GTF3C1: variants seen among roughly 807,000 people sequenced by gnomAD.
GTF3C1 encodes the protein general transcription factor 3C polypeptide 1.
A neutral mutation model predicts 226.7 loss-of-function variants in GTF3C1; 57 were observed. That is an observed-to-expected ratio of 0.25 (90% confidence interval 0.20 to 0.31). The LOEUF (loss-of-function observed/expected upper bound fraction) is 0.31, where lower values mean the gene tolerates loss of function less well. Among genes scored for constraint, GTF3C1 ranks in the 10% least tolerant of loss-of-function variants. The pLI is 1.00. For missense variants in GTF3C1, 2,217 were observed against 2,776.1 expected, an observed-to-expected ratio of 0.80 and a Z score of 4.53; for synonymous variants, 1,090 against 1,084.8, an observed-to-expected ratio of 1.00 and a Z score of -0.09.
chr16:27,511,345 G>A (rs1596644277), intron 7 of GTF3C1, among the ~76,000 whole-genome samples: 1 of 152,212 alleles, frequency 6.6e-6, no homozygotes, highest in African/African-American at 2.4e-5. Context: ...CTGCCCCCAC[G>A]GCTTCCCTAG....
intron 21 of GTF3C1, 53 bp downstream of exon 21, chr16:27,488,990 A>G (rs2088188287): frequency 6.4e-7 from 1 of 1,551,950 alleles, no homozygotes; most frequent in Non-Finnish European, 8.9e-7. Flanking sequence ...GAGGGACAGG[A>G]GGGTGAGTAG....
At position 27,506,071 on chromosome 16, in the gene GTF3C1, G is replaced by C; in HGVS notation, c.1598C>G (p.Pro533Arg). 1 of 1,613,862 alleles carries C rather than the reference G, an allele frequency of 6.2e-7. No homozygotes were observed. The highest frequency in any genetic ancestry group is 1.7e-5 in the Admixed American group (1 of 60,020). ...CTCTTCAGCAGCTCCTGGGAAGGAGGGCGGCTGCTTTTTCAATGGGTGTAG... is the reference window on the plus strand; with the variant it reads ...CTCTTCAGCAGCTCCTGGGAAGGAGCGCGGCTGCTTTTTCAATGGGTGTAG... ...VNLHPLKKQP[P>R]SFPGAAEERA... The change falls in exon 10 of 37, where the codon CCC becomes CGC. Residue 533 changes from proline (P) to arginine (R), a missense_variant. By Grantham distance (103) the Pro-to-Arg change is moderately radical. Around this residue, in one of 12 missense-constraint regions of GTF3C1, gnomAD observed 173 missense variants for 207.2 expected, o/e 0.83. Transcript: ENST00000356183.
chr16:27,541,478 A>T (rs1159553677), intron 2 of GTF3C1, among the ~76,000 whole-genome samples: 3 of 152,226 alleles, frequency 2.0e-5, no homozygotes, highest in Non-Finnish European at 2.9e-5. Context: ...TGAGAGACAT[A>T]GCGGTGAACA....
In GTF3C1 at chr16:27,510,130, A is replaced by T. The variant is rs529415394; in HGVS notation, c.1127-1475T>A. Among the ~76,000 whole-genome samples, 530 of 152,306 alleles carry T rather than the reference A, an allele frequency of 3.5e-3. 3 individuals are homozygous for T. Among genetic ancestry groups the T allele is most frequent in the Non-Finnish European group, 5.3e-3 (361 of 68,028 alleles). On this transcript the variant is annotated intron_variant, in intron 7 of 36. Coordinates refer to ENST00000356183, the MANE Select transcript of GTF3C1 (RefSeq NM_001520.4). Reference sequence around the variant, plus strand: ...TCCGGACGCTGTGGCTCACGCCTGTAATCCCAGCACTTTAGGAGGCCGAGG... The same window carrying T: ...TCCGGACGCTGTGGCTCACGCCTGTTATCCCAGCACTTTAGGAGGCCGAGG...
intron 27 of GTF3C1, 143 bp downstream of exon 27, chr16:27,480,933 AGAG>A: frequency 1.5e-6 from 1 of 648,472 alleles, no homozygotes; most frequent in Non-Finnish European, 2.8e-6. Context: ...GTCACCCATG[AGAG>A]GAGAGACAGG....
chr16:27,494,092 T>C (rs2141382427), intron 16 of GTF3C1, among the ~76,000 whole-genome samples: 1 of 152,298 alleles, frequency 6.6e-6, no homozygotes, highest in African/African-American at 2.4e-5. Context: ...TTTCTCTATT[T>C]ACCAAATTTC....
intron 25 of GTF3C1, chr16:27,483,414 C>A (rs2088087115): frequency 1.8e-6 from 1 of 564,452 alleles, no homozygotes; most frequent in African/African-American, 1.9e-5. Flanking sequence ...GGGGTTTGTC[C>A]AGGACCATAT....
rs369531654 is a variant in GTF3C1 at position 27,488,533 on chromosome 16, G to A, written c.3511+21C>T. 6.2e-6 allele frequency: 10 copies of A among 1,602,880 alleles called. No individual in the cohort carries two copies. The African/African-American group carries it at 6.7e-5, about 11-fold the overall frequency. ...AACTGGTACCATATTAACTTCTGGGGTGAACTCCCAGCACACGTACCTCTG... is the reference window on the plus strand; with the variant it reads ...AACTGGTACCATATTAACTTCTGGGATGAACTCCCAGCACACGTACCTCTG... On this transcript the variant is annotated intron_variant, in intron 22 of 36. Transcript: ENST00000356183.
Position 27,489,268 on chromosome 16 carries a change from T to C in GTF3C1, c.3294-90A>G, listed in dbSNP as rs113968158. On this transcript the variant is annotated intron_variant, in intron 20 of 36. Coordinates refer to ENST00000356183, the MANE Select transcript of GTF3C1 (RefSeq NM_001520.4). The stretch of plus-strand genomic sequence containing the variant: ...GCATGGGTTGAGGGACATTTATTTA[T>C]AACCAACTTTCACCTTTCCAGAAAA... 1.3e-3 allele frequency: 1,912 copies of C among 1,437,198 alleles called. 22 individuals are homozygous for C. The African/African-American group carries it at 0.024, about 18-fold the overall frequency. 89.0% of individuals were successfully genotyped at this position (1,437,198 alleles called of 1,614,324 possible). A position where few individuals can be genotyped will look rare whatever the true frequency, so the allele number is the denominator to read the frequency against.
At chr16:27,484,989 C>T (rs2088114908) in intron 24 of GTF3C1, among the ~76,000 whole-genome samples, 1 of 152,258 alleles carries the variant, frequency 6.6e-6, no homozygotes, top group Non-Finnish European at 1.5e-5. Context: ...AGAGCTGGAG[C>T]AGATGGAGGG....
At chr16:27,515,138 CAT>C (rs1411191800) in intron 6 of GTF3C1, among the ~76,000 whole-genome samples, 1 of 152,188 alleles carries the variant, frequency 6.6e-6, no homozygotes, top group East Asian at 1.9e-4. Context: ...GAAAAAGCCT[CAT>C]AGTCTTCAAA....
rs769149855 is a variant in GTF3C1 at position 27,488,213 on chromosome 16, G to T, written c.3700+14C>A. 1.2e-6 allele frequency: 2 copies of T among 1,605,068 alleles called. No homozygotes were observed. Among genetic ancestry groups the T allele is most frequent in the Non-Finnish European group, 1.7e-6 (2 of 1,173,458 alleles). On this transcript the variant is annotated intron_variant, in intron 23 of 36. Coordinates refer to ENST00000356183, the MANE Select transcript of GTF3C1 (RefSeq NM_001520.4). ...AAGACAAGGCCCAGTAAATGAAAAT[G>T]ATCACCACATAACCTTTCTTCTTTC...
At chr16:27,484,572 G>T (rs565677302) in intron 24 of GTF3C1, among the ~76,000 whole-genome samples, 3 of 152,226 alleles carry the variant, frequency 2.0e-5, no homozygotes, top group Non-Finnish European at 4.4e-5. Flanking sequence ...AGTGACCAGC[G>T]GGAAAGAGTG....
intron 32 of GTF3C1, among the ~76,000 whole-genome samples, chr16:27,467,285 C>G (rs546229912): frequency 1.3e-5 from 2 of 152,210 alleles, no homozygotes; most frequent in African/African-American, 4.8e-5. Flanking sequence ...TTAAGAATTA[C>G]GCTAAATCTA....
intron 26 of GTF3C1, 65 bp from the exon 27 acceptor site, chr16:27,481,256 G>T: frequency 7.4e-7 from 1 of 1,360,440 alleles, no homozygotes; most frequent in Non-Finnish European, 1.1e-6. Flanking sequence ...TTGCTAAGAT[G>T]CACCAAGGAA....
chr16:27,537,713 T>G, intron 4 of GTF3C1, 71 bp downstream of exon 4: 1 of 1,133,594 alleles, frequency 8.8e-7, no homozygotes, highest in Non-Finnish European at 1.3e-6. Context: ...CAGCTGCCCC[T>G]ACAATTTTTA....
In GTF3C1 at chr16:27,471,420, A is replaced by T; in HGVS notation, c.4526+328T>A. On this transcript the variant is annotated intron_variant, in intron 30 of 36. Transcript: ENST00000356183. This position sits in a 1 kb window ranked among gnomAD's most constrained non-coding sequence, Gnocchi z 5.0. The stretch of plus-strand genomic sequence containing the variant: ...TCAGGGCTACGCGGAAGAGGGACTG[A>T]GGCTATGCTGGAACAGGAGGGTGGA... 3.4e-6 allele frequency: 1 copy of T among 291,234 alleles called. No homozygotes were observed. 18.0% of individuals were successfully genotyped at this position (291,234 alleles called of 1,614,324 possible).
intron 28 of GTF3C1, among the ~76,000 whole-genome samples, chr16:27,477,753 T>A (rs932914995): frequency 6.6e-6 from 1 of 152,364 alleles, no homozygotes; most frequent in South Asian, 2.1e-4. Flanking sequence ...TGGTTAGGTT[T>A]TGAGGAGTCA....
At chr16:27,535,664 G>T (rs1015683461) in intron 4 of GTF3C1, among the ~76,000 whole-genome samples, 1 of 151,336 alleles carries the variant, frequency 6.6e-6, no homozygotes, top group South Asian at 2.1e-4. Context: ...AGTAAAAAGT[G>T]ATCTCTTCTG....
Sources: gnomAD v4.1 joint callset for allele counts (sites outside exome capture counted in the v4.1 genomes callset) on GRCh38, gnomAD v4.1.1 for gene constraint, gnomAD v4.1.1 regional missense constraint, Gnocchi (gnomAD v3.1) non-coding constraint, MANE v1.5 for transcripts, NCBI Gene and HGNC (gene_info 2026-07-23, HGNC 2026-07-21) for gene names.